Variants in OPCML observed in about 807,000 individuals in gnomAD.
OPCML encodes the protein opioid binding protein/cell adhesion molecule like, also known as opioid-binding protein/cell adhesion molecule.
A neutral mutation model predicts 37.8 loss-of-function variants in OPCML; 13 were observed. The ratio of observed to expected loss-of-function variants is 0.34; its 90% confidence interval spans 0.22 to 0.55. The LOEUF (loss-of-function observed/expected upper bound fraction) is 0.55. Ranked by LOEUF, OPCML falls within the 20% of genes least tolerant of loss-of-function variation. The probability of loss-of-function intolerance (pLI) is 0.91; values close to 1 mark genes in which losing one functional copy is unlikely to be tolerated. For missense variants in OPCML, 341 were observed against 435.6 expected, an observed-to-expected ratio of 0.78 and a Z score of 1.93; for synonymous variants, 176 against 168.8, an observed-to-expected ratio of 1.04 and a Z score of -0.33.
At chr11:132,746,256 C>A (rs1475774887) in intron 2 of OPCML, among the ~76,000 whole-genome samples, 2 of 152,140 alleles carry the variant, frequency 1.3e-5, no homozygotes, top group African/African-American at 4.8e-5. Flanking sequence ...ATTCTTTGAA[C>A]TGTTTGTAAA....
intron 3 of OPCML, among the ~76,000 whole-genome samples, chr11:132,533,797 C>A (rs1364957546): frequency 6.6e-6 from 1 of 152,088 alleles, no homozygotes; most frequent in Non-Finnish European, 1.5e-5. Context: ...TCTGATCCAC[C>A]CACTCTCCAG....
chr11:132,893,197 G>C (rs1943717034), intron 2 of OPCML, among the ~76,000 whole-genome samples: 1 of 152,118 alleles, frequency 6.6e-6, no homozygotes, highest in African/African-American at 2.4e-5. Context: ...CCAGGCCTAT[G>C]GTTGCAGTGA....
At chr11:132,768,608 T>C (rs993609170) in intron 2 of OPCML, among the ~76,000 whole-genome samples, 17 of 152,186 alleles carry the variant, frequency 1.1e-4, no homozygotes, top group Admixed American at 3.3e-4. Flanking sequence ...ATGCTTGCAA[T>C]AGATTTACTC....
chr11:133,049,719 A>G (rs1218434820), intron 1 of OPCML, among the ~76,000 whole-genome samples: 1 of 152,188 alleles, frequency 6.6e-6, no homozygotes, highest in Non-Finnish European at 1.5e-5. Context: ...TGCAGGACAG[A>G]GTCCTCCTGG....
intron 2 of OPCML, among the ~76,000 whole-genome samples, chr11:132,801,762 C>T (rs1938661365): frequency 6.6e-6 from 1 of 152,134 alleles, no homozygotes. Context: ...AGTCTATTCT[C>T]CGAGCTCTAG....
intron 1 of OPCML, among the ~76,000 whole-genome samples, chr11:133,483,990 T>C (rs531626666): frequency 2.0e-5 from 3 of 151,028 alleles, no homozygotes; most frequent in East Asian, 2.0e-4. Context: ...GAAAGATAGC[T>C]AGCTAGCTAG....
At chr11:132,758,064 C>T (rs577419863) in intron 2 of OPCML, among the ~76,000 whole-genome samples, 1 of 152,152 alleles carries the variant, frequency 6.6e-6, no homozygotes, top group South Asian at 2.1e-4. Context: ...GAATCCTTTC[C>T]CCATTGCTTG....
intron 4 of OPCML, among the ~76,000 whole-genome samples, chr11:132,486,936 A>G (rs1021973110): frequency 6.6e-6 from 1 of 152,232 alleles, no homozygotes; most frequent in Non-Finnish European, 1.5e-5. Context: ...AGAGCAATTC[A>G]ATGCTTATTG....
At chr11:133,217,145 C>T (rs1939617751) in intron 1 of OPCML, among the ~76,000 whole-genome samples, 1 of 152,174 alleles carries the variant, frequency 6.6e-6, no homozygotes, top group Admixed American at 6.5e-5. Flanking sequence ...CCTCTCACCT[C>T]CAGGTGAGCA....
In OPCML at chr11:133,162,012, T is replaced by G. The variant is rs7127567; in HGVS notation, c.62-219002A>C. Among the ~76,000 whole-genome samples, 31 of 141,556 alleles carry G rather than the reference T, an allele frequency of 2.2e-4. No individual in the cohort carries two copies. In the East Asian group the frequency reaches 5.9e-3, roughly 27 times the overall value. The allele number at this position is 141,556 out of a possible 152,430, so 92.9% of individuals were successfully genotyped here. A position where few individuals can be genotyped will look rare whatever the true frequency, so the allele number is the denominator to read the frequency against. ...TTTTTTTTTTTTTTTTTTTTTTTTG[T>G]ATAAAATGATGCTACATAGATCTTT... On this transcript the variant is annotated intron_variant, in intron 1 of 7. Coordinates refer to ENST00000524381, the MANE Select transcript of OPCML (RefSeq NM_001012393.5).
rs553783438 is a variant in OPCML, at chr11:133,009,073, A to G, written c.62-66063T>C. On this transcript the variant is annotated intron_variant, in intron 1 of 7. Coordinates refer to ENST00000524381, the MANE Select transcript of OPCML (RefSeq NM_001012393.5). The stretch of plus-strand genomic sequence containing the variant: ...ACTCTTCCAGATTACTTAAGTCTAC[A>G]TGTATGGGCAGGTTTAGTGAGATTA... The G allele has an allele frequency of 1.9e-5, 19 of 985,404 alleles. No homozygotes were observed. In the African/African-American group the frequency reaches 3.3e-4, roughly 17 times the overall value. The allele number at this position is 985,404 out of a possible 1,614,324, so 61.0% of individuals were successfully genotyped here.
rs182991941 is a variant in OPCML at position 132,609,522 on chromosome 11, C to T, written c.379+47565G>A. ...CAACCCACATTTACCCACCAGCATG[C>T]AAATATTCAGGCTGCAAGCCTTTGC... On this transcript the variant is annotated intron_variant, in intron 3 of 7. Transcript: ENST00000524381. Among the ~76,000 whole-genome samples, 178 of 152,252 alleles carry T rather than the reference C, an allele frequency of 1.2e-3. No individual in the cohort carries two copies. The Middle Eastern group carries it at 0.017, about 15-fold the overall frequency.
chr11:133,267,378 T>C (rs564981921), intron 1 of OPCML, among the ~76,000 whole-genome samples: 1 of 152,298 alleles, frequency 6.6e-6, no homozygotes, highest in South Asian at 2.1e-4. Flanking sequence ...CCTGAGCAAG[T>C]TTTCTGATCA....
intron 1 of OPCML, among the ~76,000 whole-genome samples, chr11:132,959,060 A>G (rs1221691205): frequency 2.0e-5 from 3 of 152,258 alleles, no homozygotes; most frequent in African/African-American, 7.2e-5. Context: ...AGTAAACCAA[A>G]AACCTTCTGG....
At chr11:133,030,533 T>C (rs1027013207) in intron 1 of OPCML, among the ~76,000 whole-genome samples, 5 of 152,154 alleles carry the variant, frequency 3.3e-5, no homozygotes, top group African/African-American at 9.7e-5. Context: ...AGAATCATCA[T>C]GAGCCTTCAA....
chr11:132,771,866 CTATT>C (rs1247642226), intron 2 of OPCML: 1 of 152,228 alleles, frequency 6.6e-6, no homozygotes, highest in East Asian at 1.9e-4. Flanking sequence ...CATCTCATCT[CTATT>C]TAACTCCACA....
intron 1 of OPCML, chr11:133,008,292 G>A: frequency 1.0e-6 from 1 of 985,336 alleles, no homozygotes. Context: ...AATCAATTGT[G>A]GTGCATAACT....
intron 3 of OPCML, among the ~76,000 whole-genome samples, chr11:132,622,134 G>A (rs918177414): frequency 2.0e-5 from 3 of 151,510 alleles, no homozygotes; most frequent in Non-Finnish European, 4.4e-5. Flanking sequence ...CAAGAAGAAT[G>A]ATGAGAATAA....
At chr11:132,928,318 A>C (rs1003613699) in intron 2 of OPCML, among the ~76,000 whole-genome samples, 2 of 151,964 alleles carry the variant, frequency 1.3e-5, no homozygotes, top group Non-Finnish European at 1.5e-5. Flanking sequence ...AACAAAAGAG[A>C]CCAGAGGTGG....
Sources: allele counts gnomAD v4.1 joint callset (sites outside exome capture counted in the v4.1 genomes callset), GRCh38; gene constraint gnomAD v4.1.1; transcripts MANE v1.5; gene names NCBI Gene and HGNC (gene_info 2026-07-23, HGNC 2026-07-21).